The following SHANK2 variants were observed in gnomAD, a reference collection of about 807,000 sequenced individuals.
SHANK2 encodes SH3 and multiple ankyrin repeat domains 2.
Under a neutral mutation model 133.7 loss-of-function variants are expected in SHANK2, and 43 were observed. The ratio of observed to expected loss-of-function variants is 0.32; its 90% confidence interval spans 0.25 to 0.41. SHANK2 has a LOEUF of 0.41. Ranked by LOEUF, SHANK2 falls within the 10% of genes least tolerant of loss-of-function variation. The pLI, the probability that SHANK2 is intolerant of heterozygous loss-of-function variation, is 1.00. For missense variants in SHANK2, 1,994 were observed against 2,235.8 expected (o/e 0.89, Z 2.18); for synonymous variants, 1,017 against 952.8 (o/e 1.07, Z -1.24).
intron 17 of SHANK2, among the ~76,000 whole-genome samples, chr11:70,577,377 A>G (rs1213455003): frequency 6.6e-6 from 1 of 152,188 alleles, no homozygotes; most frequent in Admixed American, 6.5e-5. Context: ...TCCTTGGTGG[A>G]GCCACTTCAT....
At chr11:70,490,474 C>T (rs1332225339) in intron 22 of SHANK2, 87 bp from the exon 23 acceptor site, 18 of 1,135,430 alleles carry the variant, frequency 1.6e-5, no homozygotes, top group Admixed American at 5.1e-5. Context: ...AGGGAACTTC[C>T]GTCACTGTGG....
At chr11:71,207,262 C>G (rs1188169466) in intron 2 of SHANK2, among the ~76,000 whole-genome samples, 1 of 150,782 alleles carries the variant, frequency 6.6e-6, no homozygotes, top group Non-Finnish European at 1.5e-5. Flanking sequence ...TCACTACAAC[C>G]TCTGCCTCCG....
intron 1 of SHANK2, among the ~76,000 whole-genome samples, chr11:71,250,232 A>G (rs1430234204): frequency 6.6e-6 from 1 of 152,170 alleles, no homozygotes; most frequent in Admixed American, 6.5e-5. Flanking sequence ...TACCTTTGAT[A>G]CTTGAATTCC....
At chr11:71,072,681 G>A in intron 9 of SHANK2, among the ~76,000 whole-genome samples, 1 of 152,202 alleles carries the variant, frequency 6.6e-6, no homozygotes, top group East Asian at 1.9e-4. Context: ...ACACAAGGGA[G>A]TATTATTTAC....
At position 71,085,661 on chromosome 11, in the gene SHANK2, AT is replaced by A. The variant is rs1186656711; in HGVS notation, c.912+6760del. Among the ~76,000 whole-genome samples the A allele has an allele frequency of 9.0e-4, 21 of 23,224 alleles. 1 individual carries two copies. Among genetic ancestry groups the A allele is most frequent in the African/African-American group, 2.0e-3 (20 of 10,034 alleles). 15.2% of individuals were successfully genotyped at this position (23,224 alleles called of 152,430 possible). A position where few individuals can be genotyped will look rare whatever the true frequency, so the allele number is the denominator to read the frequency against. ...TATAATATATTATGTTATATATTAT[AT>A]TATATATGTTATATATATAATATAA... is the stretch of plus-strand genomic sequence containing the variant. On this transcript the variant is annotated intron_variant, in intron 8 of 25. Transcript: ENST00000601538.
chr11:71,056,222 C>T (rs1415763602), intron 10 of SHANK2, among the ~76,000 whole-genome samples: 4 of 152,178 alleles, frequency 2.6e-5, no homozygotes, highest in Admixed American at 1.3e-4. Context: ...GCCTTTCCGG[C>T]GCTGACTGCT....
At chr11:71,251,584 G>T (rs1476361610) in intron 1 of SHANK2, among the ~76,000 whole-genome samples, 3 of 151,514 alleles carry the variant, frequency 2.0e-5, no homozygotes, top group Admixed American at 6.6e-5. Flanking sequence ...ATGCCCGGGC[G>T]AAAGTTGCCA....
intron 8 of SHANK2, among the ~76,000 whole-genome samples, chr11:71,086,400 T>C (rs1354858464): frequency 5.3e-5 from 7 of 131,670 alleles, no homozygotes; most frequent in Non-Finnish European, 1.1e-4. Flanking sequence ...ATATATGATA[T>C]ATTATTTATA....
At chr11:70,679,479 C>G (rs1256114648) in intron 15 of SHANK2, among the ~76,000 whole-genome samples, 1 of 152,236 alleles carries the variant, frequency 6.6e-6, no homozygotes, top group Non-Finnish European at 1.5e-5. Flanking sequence ...TGTGCACCTG[C>G]CTGGGGCAGT....
chr11:70,790,649 G>A (rs770413237), intron 14 of SHANK2, among the ~76,000 whole-genome samples: 2 of 152,284 alleles, frequency 1.3e-5, no homozygotes, highest in East Asian at 1.9e-4. Flanking sequence ...TCCCATGATC[G>A]GGTGAGCCAA....
chr11:70,830,771 C>G lies in SHANK2; in HGVS notation c.1175-10089G>C, dbSNP rs1392780583. Among the ~76,000 whole-genome samples the G allele has an allele frequency of 6.6e-6, 1 of 152,168 alleles. No homozygotes were observed. The highest frequency in any genetic ancestry group is 1.5e-5 in the Non-Finnish European group (1 of 68,040). ...AGCTGCCATCCTGGGTCCCTGAGAC[C>G]AGCAGCAAGGCTGTCAGATGAGACA... On this transcript the variant is annotated intron_variant, in intron 11 of 25. Coordinates refer to ENST00000601538, the MANE Select transcript of SHANK2 (RefSeq NM_012309.5). This position sits in a 1 kb window ranked among gnomAD's most constrained non-coding sequence, Gnocchi z 4.4.
intron 15 of SHANK2, 38 bp downstream of exon 15, chr11:70,698,650 G>T: frequency 2.8e-6 from 2 of 718,464 alleles, no homozygotes; most frequent in South Asian, 3.0e-5. Context: ...GAACAGCTTT[G>T]ACCAGAGGGT....
At chr11:70,912,260 C>T (rs1950206558) in intron 10 of SHANK2, among the ~76,000 whole-genome samples, 1 of 152,012 alleles carries the variant, frequency 6.6e-6, no homozygotes, top group African/African-American at 2.4e-5. Context: ...ATTATATAAG[C>T]TAAAATCATG....
intron 17 of SHANK2, among the ~76,000 whole-genome samples, chr11:70,602,246 G>C (rs2060508736): frequency 1.3e-5 from 2 of 152,172 alleles, no homozygotes; most frequent in South Asian, 4.1e-4. Flanking sequence ...TGTACAGCCT[G>C]CAGAACTGTG....
At chr11:70,563,827 C>T (rs2059937209) in intron 17 of SHANK2, among the ~76,000 whole-genome samples, 1 of 152,116 alleles carries the variant, frequency 6.6e-6, no homozygotes, top group Non-Finnish European at 1.5e-5. Flanking sequence ...AGTGTACCTG[C>T]TGGTGATGAA....
intron 11 of SHANK2, among the ~76,000 whole-genome samples, chr11:70,896,124 A>G (rs1949930955): frequency 6.6e-6 from 1 of 152,228 alleles, no homozygotes; most frequent in South Asian, 2.1e-4. Flanking sequence ...AGATACATAC[A>G]TCAGATAGGG....
chr11:70,645,208 CAAAACA>C (rs766477197), intron 17 of SHANK2, among the ~76,000 whole-genome samples: 5 of 152,018 alleles, frequency 3.3e-5, no homozygotes, highest in Non-Finnish European at 7.4e-5. Flanking sequence ...GATTCTGTCT[CAAAACA>C]AAAACAAAAA....
intron 17 of SHANK2, among the ~76,000 whole-genome samples, chr11:70,533,871 T>G (rs937161800): frequency 1.4e-4 from 22 of 152,176 alleles, no homozygotes; most frequent in African/African-American, 4.6e-4. Flanking sequence ...CCATGTCTCC[T>G]TTTGTGTCTG....
intron 17 of SHANK2, among the ~76,000 whole-genome samples, chr11:70,537,445 A>G (rs1554974344): frequency 1.3e-5 from 2 of 152,266 alleles, no homozygotes; most frequent in Non-Finnish European, 2.9e-5. Context: ...GGAGACACAC[A>G]GCTGGGAGAG....
Sources: allele counts gnomAD v4.1 joint callset (sites outside exome capture counted in the v4.1 genomes callset), GRCh38; gene constraint gnomAD v4.1.1; non-coding constraint Gnocchi (gnomAD v3.1); transcripts MANE v1.5; gene names NCBI Gene and HGNC (gene_info 2026-07-23, HGNC 2026-07-21).